Variants in MCU observed in about 807,000 individuals in gnomAD.
MCU encodes calcium uniporter protein, mitochondrial.
In MCU, 12 loss-of-function variants were observed where a neutral mutation model predicts 45.2. The ratio of observed to expected loss-of-function variants is 0.27; its 90% CI spans 0.17 to 0.43. MCU has a LOEUF of 0.43. Ranked by LOEUF, MCU falls within the 20% of genes least tolerant of loss-of-function variation. MCU has a pLI of 1.00. For synonymous variants in MCU, 160 were observed against 165.1 expected, an observed-to-expected ratio of 0.97 and a Z score of 0.24; for missense variants, 324 against 436.7, an observed-to-expected ratio of 0.74 and a Z score of 2.30.
intron 2 of MCU, among the ~76,000 whole-genome samples, chr10:72,843,593 T>C (rs546514344): frequency 7.5e-4 from 114 of 152,266 alleles, no homozygotes; most frequent in Non-Finnish European, 1.4e-3. Context: ...TTGGCAGTTA[T>C]GAATAAAGCT....
chr10:72,814,384 G>T (rs1451881702), intron 1 of MCU, among the ~76,000 whole-genome samples: 3 of 150,630 alleles, frequency 2.0e-5, no homozygotes, highest in African/African-American at 4.9e-5. Flanking sequence ...GGAGTTTTTT[G>T]TTTTTTTTTA....
At chr10:72,860,284 C>A in intron 3 of MCU, 139 bp from the exon 4 acceptor site, 1 of 654,228 alleles carries the variant, frequency 1.5e-6, no homozygotes, top group East Asian at 2.8e-5. Context: ...ACTTTGTTTG[C>A]ATAGGAAATG....
In MCU at chr10:72,800,150, C is replaced by G. The variant is rs998960649; in HGVS notation, c.151-34209C>G. On this transcript the variant is annotated intron_variant, in intron 1 of 7. Coordinates refer to ENST00000373053, the MANE Select transcript of MCU (RefSeq NM_138357.3). ...TCTTAAGGCAAAAAGACCCTCCCCCCAGTGCCTTCCAGTTGCGATGTGTCT... is the reference window on the plus strand; with the variant it reads ...TCTTAAGGCAAAAAGACCCTCCCCCGAGTGCCTTCCAGTTGCGATGTGTCT... Among the ~76,000 whole-genome samples, 3 of 152,298 alleles carry G rather than the reference C, an allele frequency of 2.0e-5. No homozygotes were observed. In the South Asian group the frequency reaches 6.2e-4, roughly 32 times the overall value.
chr10:72,859,220 G>A lies in MCU; in HGVS notation c.264G>A (p.Val88=). The change falls in exon 3 of 8, where the codon GTG becomes GTA. Residue 88 remains valine (V), a synonymous_variant. Transcript: ENST00000373053. ...AAAATGGGTTACCTGTGATATCTGT[G>A]AGGCTACCATCCCGGCGTGAACGCT... ...VYQNGLPVIS[V]RLPSRRERCQ... The A allele has an allele frequency of 5.0e-6, 8 of 1,611,684 alleles. No individual in the cohort carries two copies. The highest frequency in any genetic ancestry group is 6.8e-6 in the Non-Finnish European group (8 of 1,179,040).
chr10:72,740,492 GAA>G (rs1843312111), intron 1 of MCU, among the ~76,000 whole-genome samples: 2 of 152,062 alleles, frequency 1.3e-5, no homozygotes, highest in African/African-American at 4.8e-5. Flanking sequence ...GAAATGACTA[GAA>G]TATACTATTA....
intron 6 of MCU, among the ~76,000 whole-genome samples, chr10:72,883,666 G>A (rs1431771633): frequency 1.3e-5 from 2 of 152,014 alleles, no homozygotes; most frequent in Admixed American, 6.6e-5. Context: ...TAGTAAGAAC[G>A]GAAACAACCC....
chr10:72,812,095 T>A (rs1377656085), intron 1 of MCU, among the ~76,000 whole-genome samples: 1 of 148,398 alleles, frequency 6.7e-6, no homozygotes, highest in East Asian at 1.9e-4. Flanking sequence ...TTTTTTTTTT[T>A]AACATGGAGA....
At chr10:72,881,617 T>TA (rs1191790831) in intron 6 of MCU, among the ~76,000 whole-genome samples, 1 of 152,226 alleles carries the variant, frequency 6.6e-6, no homozygotes, top group African/African-American at 2.4e-5. Flanking sequence ...GCAGTATGTA[T>TA]ACCCTACAAA....
intron 1 of MCU, among the ~76,000 whole-genome samples, chr10:72,757,750 C>T (rs1589447080): frequency 1.3e-5 from 2 of 152,160 alleles, no homozygotes; most frequent in East Asian, 3.8e-4. Flanking sequence ...TTCTTTGAAG[C>T]AATTGTCAGA....
chr10:72,698,028 A>G (rs1255738064), intron 1 of MCU, among the ~76,000 whole-genome samples: 2 of 151,384 alleles, frequency 1.3e-5, no homozygotes, highest in Non-Finnish European at 2.9e-5. Context: ...AGATCCTCTC[A>G]CTTTAGCCTC....
intron 1 of MCU, among the ~76,000 whole-genome samples, chr10:72,697,525 C>T (rs1004626622): frequency 2.7e-5 from 4 of 150,332 alleles, no homozygotes; most frequent in Admixed American, 2.7e-4. Flanking sequence ...CCTCCGTCTC[C>T]CTGGTTCAAG....
intron 1 of MCU, among the ~76,000 whole-genome samples, chr10:72,756,081 T>C (rs1249404023): frequency 6.6e-6 from 1 of 152,042 alleles, no homozygotes; most frequent in Non-Finnish European, 1.5e-5. Flanking sequence ...GAACTCCTGG[T>C]CTCAAGTGGA....
At chr10:72,794,055 G>A (rs1223745553) in intron 1 of MCU, among the ~76,000 whole-genome samples, 1 of 152,058 alleles carries the variant, frequency 6.6e-6, no homozygotes, top group Non-Finnish European at 1.5e-5. Context: ...TCTAAGTCTA[G>A]GATCTCATTA....
At chr10:72,743,724 G>T (rs988408246) in intron 1 of MCU, among the ~76,000 whole-genome samples, 8 of 152,120 alleles carry the variant, frequency 5.3e-5, no homozygotes, top group Non-Finnish European at 8.8e-5. Flanking sequence ...TCACCTAGAG[G>T]GGTGGATGCT....
chr10:72,778,857 A>G (rs1161308926), intron 1 of MCU, among the ~76,000 whole-genome samples: 2 of 152,350 alleles, frequency 1.3e-5, no homozygotes, highest in African/African-American at 2.4e-5. Flanking sequence ...AAAACCGAAA[A>G]AAAAAATTTC....
At chr10:72,780,532 G>GTGTGTGTGTGTA (rs1393254208) in intron 1 of MCU, among the ~76,000 whole-genome samples, 2 of 150,892 alleles carry the variant, frequency 1.3e-5, no homozygotes, top group African/African-American at 4.9e-5. Flanking sequence ...GTGTGTGTGT[G>GTGTGTGTGTGTA]TGTGTGTGTG....
chr10:72,693,812 C>T (rs955542090), intron 1 of MCU, among the ~76,000 whole-genome samples: 2 of 152,142 alleles, frequency 1.3e-5, no homozygotes, highest in African/African-American at 4.8e-5. Flanking sequence ...ATAAGGCCAC[C>T]CCAAATTTTG....
At chr10:72,710,236 A>G (rs1842874621) in intron 1 of MCU, among the ~76,000 whole-genome samples, 1 of 152,162 alleles carries the variant, frequency 6.6e-6, no homozygotes, top group Non-Finnish European at 1.5e-5. Context: ...TCAGCCTCCC[A>G]AAGTGCTGAG....
intron 1 of MCU, among the ~76,000 whole-genome samples, chr10:72,824,233 G>C (rs537012905): frequency 4.3e-5 from 6 of 139,484 alleles, no homozygotes; most frequent in African/African-American, 1.6e-4. Context: ...TTTCATTCTC[G>C]TTGCCCAGGC....
Sources: allele counts gnomAD v4.1 joint callset (sites outside exome capture counted in the v4.1 genomes callset), GRCh38; gene constraint gnomAD v4.1.1; transcripts MANE v1.5; gene names NCBI Gene and HGNC (gene_info 2026-07-23, HGNC 2026-07-21).